F2RL2: variants seen among roughly 807,000 people sequenced by gnomAD.
F2RL2 encodes the protein coagulation factor II thrombin receptor like 2, also known as proteinase-activated receptor 3.
F2RL2 carries 4 observed loss-of-function variants against 4.3 expected under a neutral mutation model. The ratio of observed to expected loss-of-function variants is 0.93; its 90% CI spans 0.46 to 2.12. The LOEUF (loss-of-function observed/expected upper bound fraction) is 2.12, where lower values mean the gene tolerates loss of function less well. Ranked by LOEUF, F2RL2 falls within the 30% of genes most tolerant of loss-of-function variation. F2RL2 has a pLI of 0.02. For missense variants in F2RL2, 408 were observed against 449.3 expected (o/e 0.91, Z 0.83); for synonymous variants, 166 against 170.9 (o/e 0.97, Z 0.22).
intron 1 of F2RL2, among the ~76,000 whole-genome samples, chr5:76,620,839 C>T (rs941151411): frequency 6.6e-6 from 1 of 152,174 alleles, no homozygotes; most frequent in Non-Finnish European, 1.5e-5. Context: ...AAGATAGAAA[C>T]ACATCAACTA....
intron 1 of F2RL2, among the ~76,000 whole-genome samples, chr5:76,620,360 G>A (rs1749519514): frequency 1.6e-5 from 2 of 126,462 alleles, no homozygotes; most frequent in Non-Finnish European, 3.8e-5. Context: ...GGCTTAAAGG[G>A]ACTTGGTTCT....
intron 1 of F2RL2, among the ~76,000 whole-genome samples, chr5:76,618,904 C>T (rs2069682): frequency 0.058 from 8,755 of 152,236 alleles, 327 homozygotes; most frequent in African/African-American, 0.11. Flanking sequence ...GAAACAAAAA[C>T]AGCCCATCAG....
At chr5:76,621,528 G>A (rs1580640505) in intron 1 of F2RL2, among the ~76,000 whole-genome samples, 2 of 152,176 alleles carry the variant, frequency 1.3e-5, no homozygotes, top group Admixed American at 1.3e-4. Context: ...AGAGAATGGT[G>A]CCTGAAGAGC....
In F2RL2 at chr5:76,618,417, A is replaced by T; in HGVS notation, c.290T>A (p.Ile97Lys). 6.2e-7 allele frequency: 1 copy of T among 1,614,252 alleles called. No homozygotes were observed. Among genetic ancestry groups the T allele is most frequent in the African/African-American group, 1.3e-5 (1 of 75,078 alleles). ...YLTSSLSTKL[I>K]PAIYLLVFVV... ...AAACACCAGGAGGTAGATGGCAGGT[A>T]TCAGTTTAGTACTTAAGGAGCTGGT... The change falls in exon 2 of 2, where the codon ATA becomes AAA. Residue 97 changes from isoleucine (I) to lysine (K), a missense_variant. By Grantham distance (102) the Ile-to-Lys change is moderately radical (BLOSUM62 -3). Coordinates refer to ENST00000296641, the MANE Select transcript of F2RL2 (RefSeq NM_004101.4).
At chr5:76,618,793 A>G in intron 1 of F2RL2, 151 bp from the exon 2 acceptor site, 3 of 692,680 alleles carry the variant, frequency 4.3e-6, no homozygotes, top group East Asian at 5.4e-5. Flanking sequence ...ACAAGCATAT[A>G]TTTAATACAT....
rs1318034262 is a variant in F2RL2, at chr5:76,617,111, C to T, written c.*471G>A. On this transcript the variant is annotated 3_prime_UTR_variant, in exon 2 of 2. Coordinates refer to ENST00000296641, the MANE Select transcript of F2RL2 (RefSeq NM_004101.4). ...CCATAGAGTTGTGATATCTTTTCTCCTGCATTAACATTTTTAAAATACTGA... is the reference window on the plus strand; with the variant it reads ...CCATAGAGTTGTGATATCTTTTCTCTTGCATTAACATTTTTAAAATACTGA... 1 of 154,888 alleles carries T rather than the reference C, an allele frequency of 6.5e-6. No homozygotes were observed. The highest frequency in any genetic ancestry group is 1.4e-5 in the Non-Finnish European group (1 of 69,716). 9.6% of individuals were successfully genotyped at this position (154,888 alleles called of 1,614,324 possible).
In F2RL2 at chr5:76,618,204, G is replaced by C. The variant is rs144692113; in HGVS notation, c.503C>G (p.Ala168Gly). 1 of 1,614,062 alleles carries C rather than the reference G, an allele frequency of 6.2e-7. No homozygotes were observed. The highest frequency in any genetic ancestry group is 8.5e-7 in the Non-Finnish European group (1 of 1,180,040). ...NWVFGEVLCR[A>G]TTVIFYGNMY... ...GTTGCCATAGAAGATGACTGTGGTG[G>C]CCCGGCACAGGACCTCTCCAAATAC... The change falls in exon 2 of 2, where the codon GCC becomes GGC. Residue 168 changes from alanine to glycine, a missense_variant. Transcript: ENST00000296641.
At chr5:76,622,402 T>A (rs1749787264) in intron 1 of F2RL2, among the ~76,000 whole-genome samples, 1 of 152,216 alleles carries the variant, frequency 6.6e-6, no homozygotes, top group South Asian at 2.1e-4. Flanking sequence ...GCAATGTTCC[T>A]TTAGAAAGCA....
rs779685516 is a variant in F2RL2 at position 76,618,117 on chromosome 5, T to C, written c.590A>G (p.His197Arg). Residue 197 changes from histidine (H) to arginine (R), a missense_variant, in exon 2 of 2, where the codon CAT becomes CGT. Physicochemically the swap from His to Arg is conservative, Grantham distance 29 (BLOSUM62 0). Coordinates refer to ENST00000296641, the MANE Select transcript of F2RL2 (RefSeq NM_004101.4). ...GGGCAGGCCCCGGTAGGTGAAAGGA[T>C]GGACGATGGCCAGGTAGCGGTTGAT... The part of the protein sequence containing the change: ...ISINRYLAIV[H>R]PFTYRGLPKH... 7 of 1,614,008 alleles carry C rather than the reference T, an allele frequency of 4.3e-6. No homozygotes were observed. The highest frequency in any genetic ancestry group is 1.7e-5 in the Admixed American group (1 of 59,994).
Position 76,617,860 on chromosome 5 carries a change from C to A in F2RL2, c.847G>T (p.Ala283Ser), listed in dbSNP as rs1311924473. 6.2e-6 allele frequency: 10 copies of A among 1,613,888 alleles called. No homozygotes were observed. Among genetic ancestry groups the A allele is most frequent in the Non-Finnish European group, 8.5e-6 (10 of 1,179,988 alleles). ...IPFVLIIYCY[A>S]AIIRTLNAYD... Reference sequence around the variant, plus strand: ...GCATTAAGTGTCCGGATGATGGCTGCATAGCAGTAGATGATAAGCACAAAT... The same window carrying A: ...GCATTAAGTGTCCGGATGATGGCTGAATAGCAGTAGATGATAAGCACAAAT... Residue 283 changes from alanine (A) to serine (S), a missense_variant, in exon 2 of 2, where the codon GCA becomes TCA. Transcript: ENST00000296641.
chr5:76,619,684 T>G (rs556793855), intron 1 of F2RL2, among the ~76,000 whole-genome samples: 2 of 151,998 alleles, frequency 1.3e-5, no homozygotes, highest in South Asian at 4.2e-4. Context: ...GCCTGGCTAA[T>G]TTTTTGTATT....
At position 76,618,092 on chromosome 5, in the gene F2RL2, G is replaced by A. The variant is rs987038135; in HGVS notation, c.615C>T (p.Pro205=). The change falls in exon 2 of 2, where the codon CCC becomes CCT. Residue 205 remains proline, a synonymous_variant. Coordinates refer to ENST00000296641, the MANE Select transcript of F2RL2 (RefSeq NM_004101.4). ...IVHPFTYRGL[P]KHTYALVTCG... ...ATGTTACCAAGGCATAGGTGTGCTT[G>A]GGCAGGCCCCGGTAGGTGAAAGGAT... 2 of 1,614,180 alleles carry A rather than the reference G, an allele frequency of 1.2e-6. No individual in the cohort carries two copies. The highest frequency in any genetic ancestry group is 1.7e-6 in the Non-Finnish European group (2 of 1,180,036).
At chr5:76,619,207 A>G (rs969231701) in intron 1 of F2RL2, among the ~76,000 whole-genome samples, 5 of 152,218 alleles carry the variant, frequency 3.3e-5, no homozygotes, top group African/African-American at 1.2e-4. Context: ...ATCTGTAAGT[A>G]ATGCTACTCG....
At chr5:76,618,746 T>A in intron 1 of F2RL2, 104 bp from the exon 2 acceptor site, 1 of 1,044,538 alleles carries the variant, frequency 9.6e-7, no homozygotes, top group Non-Finnish European at 1.4e-6. Flanking sequence ...TTTAAGATCA[T>A]TTTTATTTTA....
Position 76,617,492 on chromosome 5 carries a change from C to T in F2RL2, c.*90G>A, listed in dbSNP as rs1022276477. The T allele has an allele frequency of 7.3e-6, 7 of 962,728 alleles. No individual in the cohort carries two copies. The highest frequency in any genetic ancestry group is 2.5e-5 in the East Asian group (1 of 40,714). The allele number at this position is 962,728 out of a possible 1,614,324, so 59.6% of individuals were successfully genotyped here. ...CTTTGAAGCATATTTCTTAGGAGCT[C>T]GGAAATGGAGCTCCTTGCACTATGC... On this transcript the variant is annotated 3_prime_UTR_variant, in exon 2 of 2. Coordinates refer to ENST00000296641, the MANE Select transcript of F2RL2 (RefSeq NM_004101.4).
chr5:76,619,334 T>G lies in F2RL2; in HGVS notation c.65-692A>C, dbSNP rs570878302. ...AGGGCCTCTAAACTGTCCTAAGAAA[T>G]CATATGTCTATTCACAGATGATGGG... On this transcript the variant is annotated intron_variant, in intron 1 of 1. Coordinates refer to ENST00000296641, the MANE Select transcript of F2RL2 (RefSeq NM_004101.4). Among the ~76,000 whole-genome samples the G allele has an allele frequency of 1.4e-4, 21 of 152,166 alleles. 1 individual carries two copies. In the South Asian group the frequency reaches 4.4e-3, roughly 32 times the overall value.
chr5:76,617,649 A>G lies in F2RL2; in HGVS notation c.1058T>C (p.Leu353Ser), dbSNP rs755553172. The stretch of plus-strand genomic sequence containing the variant: ...CATGAGAAAATAAAGGAATGGATCT[A>G]AGCAACTATTAAGACTACCCAGGCA... ...ALCLGSLNSC[L>S]DPFLYFLMSK... The change falls in exon 2 of 2, where the codon TTA becomes TCA. Residue 353 changes from leucine (L) to serine (S), a missense_variant. Leu to Ser is a moderately radical substitution (Grantham distance 145, BLOSUM62 -2). Transcript: ENST00000296641. The G allele has an allele frequency of 3.1e-6, 5 of 1,613,998 alleles. No homozygotes were observed. In the African/African-American group the frequency reaches 6.7e-5, roughly 22 times the overall value.
At position 76,623,167 on chromosome 5, in the gene F2RL2, C is replaced by T; in HGVS notation, c.64G>A (p.Gly22Ser). The change falls in exon 1 of 2, where the codon GGC becomes AGC. Residue 22 changes from glycine (G) to serine (S), a missense_variant and splice_region_variant. By Grantham distance (56) the Gly-to-Ser change is moderately conservative (BLOSUM62 0). Transcript: ENST00000296641. ...LLLLPTFCQS[G>S]MENDTNNLAK... ...CCTACCCCCTGAGAAAATTGCTTAC[C>T]ACTCTGACAAAAAGTGGGCAACAGA... 2 of 1,614,110 alleles carry T rather than the reference C, an allele frequency of 1.2e-6. No individual in the cohort carries two copies. Among genetic ancestry groups the T allele is most frequent in the Non-Finnish European group, 1.7e-6 (2 of 1,179,990 alleles).
At chr5:76,618,706 T>A in intron 1 of F2RL2, 64 bp from the exon 2 acceptor site, 1 of 1,308,988 alleles carries the variant, frequency 7.6e-7, no homozygotes, top group African/African-American at 1.5e-5. Context: ...TGTGTTTAAT[T>A]ATTTGTAAAT....
Sources: gnomAD v4.1 joint callset for allele counts (sites outside exome capture counted in the v4.1 genomes callset) on GRCh38, gnomAD v4.1.1 for gene constraint, MANE v1.5 for transcripts, NCBI Gene and HGNC (gene_info 2026-07-23, HGNC 2026-07-21) for gene names.